The following TMCC3 variants were observed in gnomAD, a reference collection of about 807,000 sequenced individuals.
TMCC3 encodes transmembrane and coiled-coil domain protein 3.
In TMCC3, 28 loss-of-function variants were observed where a neutral mutation model predicts 40.2. That is an observed-to-expected ratio of 0.70 (90% CI 0.52 to 0.95). The LOEUF (loss-of-function observed/expected upper bound fraction) is 0.95, where lower values mean the gene tolerates loss of function less well. TMCC3 is among the 40% of genes least tolerant of loss of function. TMCC3 has a pLI of 0.00. For synonymous variants in TMCC3, 255 were observed against 248.5 expected (o/e 1.03, Z -0.25); for missense variants, 554 against 615.2 (o/e 0.90, Z 1.05).
chr12:94,633,954 T>A (rs1026589506), intron 1 of TMCC3, among the ~76,000 whole-genome samples: 7 of 150,874 alleles, frequency 4.6e-5, no homozygotes, highest in East Asian at 1.9e-4. Flanking sequence ...TTTTTATTTT[T>A]TTTTTTTTTG....
intron 1 of TMCC3, among the ~76,000 whole-genome samples, chr12:94,636,099 T>C (rs967986075): frequency 6.6e-6 from 1 of 152,182 alleles, no homozygotes; most frequent in Admixed American, 6.6e-5. Context: ...ATGGAAAAAG[T>C]AGACATTTAT....
intron 1 of TMCC3, among the ~76,000 whole-genome samples, chr12:94,586,927 T>C (rs2068641776): frequency 6.6e-6 from 1 of 152,260 alleles, no homozygotes; most frequent in South Asian, 2.1e-4. Flanking sequence ...AAATGTTTGA[T>C]GAGGGTATAA....
intron 1 of TMCC3, among the ~76,000 whole-genome samples, chr12:94,619,402 C>T (rs1419956888): frequency 2.6e-5 from 4 of 152,214 alleles, no homozygotes; most frequent in African/African-American, 9.6e-5. Context: ...CCTACTAAGC[C>T]AGTCCCTAGC....
At chr12:94,603,924 A>AG (rs397816882) in intron 1 of TMCC3, among the ~76,000 whole-genome samples, 18 of 151,516 alleles carry the variant, frequency 1.2e-4, no homozygotes, top group Admixed American at 1.2e-3. Flanking sequence ...AAGAAAAAAA[A>AG]CCACTTAAAT....
intron 1 of TMCC3, among the ~76,000 whole-genome samples, chr12:94,628,536 T>C (rs1439020986): frequency 6.6e-6 from 1 of 152,216 alleles, no homozygotes; most frequent in African/African-American, 2.4e-5. Context: ...GCCTACAGAA[T>C]GACTGGCAGG....
At chr12:94,629,200 T>C (rs1457796831) in intron 1 of TMCC3, among the ~76,000 whole-genome samples, 1 of 152,132 alleles carries the variant, frequency 6.6e-6, no homozygotes, top group Non-Finnish European at 1.5e-5. Context: ...CCTTGAAAAT[T>C]GATACCATCT....
chr12:94,633,949 ATT>A (rs775942177), intron 1 of TMCC3, among the ~76,000 whole-genome samples: 6 of 142,240 alleles, frequency 4.2e-5, no homozygotes, highest in Admixed American at 7.0e-5. Context: ...TTTGTTTTTT[ATT>A]TTTTTTTTTT....
At position 94,570,286 on chromosome 12, in the gene TMCC3, C is replaced by T. The variant is rs2068519210; in HGVS notation, c.*1149G>A. On this transcript the variant is annotated 3_prime_UTR_variant, in exon 4 of 4. Transcript: ENST00000261226. ...TCATGCTTTCAGCGTTCCGACACCT[C>T]AGTGCACTTGAACTTTAGAGGCTAT... 6.6e-6 allele frequency: 1 copy of T among 152,240 alleles called. No individual in the cohort carries two copies. Among genetic ancestry groups the T allele is most frequent in the African/African-American group, 2.4e-5 (1 of 41,452 alleles). 9.4% of individuals were successfully genotyped at this position (152,240 alleles called of 1,614,324 possible). A position where few individuals can be genotyped will look rare whatever the true frequency, so the allele number is the denominator to read the frequency against.
rs2068516196 is a variant in TMCC3 at position 94,569,832 on chromosome 12, T to C, written c.*1603A>G. On this transcript the variant is annotated 3_prime_UTR_variant, in exon 4 of 4. Transcript: ENST00000261226. ...AATTTGAATCCAGGGGGACCTGATG[T>C]CTCCTGGAAGAAAACGTACACTCAC... 6.6e-6 allele frequency: 1 copy of C among 152,204 alleles called. No individual in the cohort carries two copies. The highest frequency in any genetic ancestry group is 2.4e-5 in the African/African-American group (1 of 41,432). 9.4% of individuals were successfully genotyped at this position (152,204 alleles called of 1,614,324 possible). A position where few individuals can be genotyped will look rare whatever the true frequency, so the allele number is the denominator to read the frequency against.
chr12:94,603,325 C>G (rs1304175947), intron 1 of TMCC3, among the ~76,000 whole-genome samples: 1 of 152,114 alleles, frequency 6.6e-6, no homozygotes, highest in Non-Finnish European at 1.5e-5. Context: ...CCATCTTGGC[C>G]AGGGTGGTCT....
Position 94,607,554 on chromosome 12 carries a change from G to A in TMCC3, c.79-25016C>T, listed in dbSNP as rs2068791002. Among the ~76,000 whole-genome samples the A allele has an allele frequency of 2.6e-5, 4 of 152,272 alleles. No homozygotes were observed. The South Asian group carries it at 8.3e-4, about 32-fold the overall frequency. On this transcript the variant is annotated intron_variant, in intron 1 of 3. Coordinates refer to ENST00000261226, the MANE Select transcript of TMCC3 (RefSeq NM_020698.4). Reference sequence around the variant, plus strand: ...ATTTATGTTCTGCCCATGGTTCCAGGCGGTCTCTCCATTCGGGGTCCCTGA... The same window carrying A: ...ATTTATGTTCTGCCCATGGTTCCAGACGGTCTCTCCATTCGGGGTCCCTGA...
intron 1 of TMCC3, among the ~76,000 whole-genome samples, chr12:94,625,241 G>T (rs1417538981): frequency 6.6e-6 from 1 of 151,706 alleles, no homozygotes; most frequent in Non-Finnish European, 1.5e-5. Context: ...TGGTGGTTAG[G>T]ACTTCAACAT....
At chr12:94,612,928 C>T (rs996580375) in intron 1 of TMCC3, among the ~76,000 whole-genome samples, 1 of 152,078 alleles carries the variant, frequency 6.6e-6, no homozygotes, top group Non-Finnish European at 1.5e-5. Flanking sequence ...GAGCAAGTGC[C>T]CCTGTTAGGA....
At chr12:94,599,172 G>A (rs760615319) in intron 1 of TMCC3, among the ~76,000 whole-genome samples, 1 of 152,204 alleles carries the variant, frequency 6.6e-6, no homozygotes, top group Non-Finnish European at 1.5e-5. Context: ...AATGAGGACA[G>A]CAGTATCTAC....
Position 94,609,932 on chromosome 12 carries a change from G to A in TMCC3, c.79-27394C>T, listed in dbSNP as rs1399002806. 3 of 152,188 alleles carry A rather than the reference G, an allele frequency of 2.0e-5. No homozygotes were observed. The East Asian group carries it at 5.8e-4, about 29-fold the overall frequency. 9.4% of individuals were successfully genotyped at this position (152,188 alleles called of 1,614,324 possible). On this transcript the variant is annotated intron_variant, in intron 1 of 3. Transcript: ENST00000261226. The stretch of plus-strand genomic sequence containing the variant: ...GAAAACATTTTCCAGAAGCTCCTCA[G>A]GGGTCCCTTTGGCCGGGGCTGAGTC...
intron 3 of TMCC3, among the ~76,000 whole-genome samples, chr12:94,578,106 C>A (rs1219712610): frequency 7.1e-6 from 1 of 140,064 alleles, no homozygotes; most frequent in Non-Finnish European, 1.5e-5. Context: ...CTGAGATCAC[C>A]CACTGCACTC....
intron 1 of TMCC3, among the ~76,000 whole-genome samples, chr12:94,646,781 C>G (rs796507428): frequency 3.0e-4 from 43 of 144,600 alleles, no homozygotes; most frequent in African/African-American, 1.1e-3. Context: ...TTATTTAAGA[C>G]ACACAATCAC....
intron 1 of TMCC3, among the ~76,000 whole-genome samples, chr12:94,637,107 G>A (rs1312790902): frequency 6.6e-6 from 1 of 152,142 alleles, no homozygotes; most frequent in Non-Finnish European, 1.5e-5. Flanking sequence ...AATTTAATTA[G>A]TAGAAAACCA....
chr12:94,614,761 A>AT (rs559601163), intron 1 of TMCC3, among the ~76,000 whole-genome samples: 7,387 of 134,796 alleles, frequency 0.055, 328 homozygotes, highest in African/African-American at 0.12. Context: ...CAACAGACAG[A>AT]TTTTTTTTTT....
Sources: gnomAD v4.1 joint callset for allele counts (sites outside exome capture counted in the v4.1 genomes callset) on GRCh38, gnomAD v4.1.1 for gene constraint, MANE v1.5 for transcripts, NCBI Gene and HGNC (gene_info 2026-07-23, HGNC 2026-07-21) for gene names.